Variants in ZDHHC15 observed in about 807,000 individuals in gnomAD.
The protein encoded by ZDHHC15 is zDHHC palmitoyltransferase 15.
ZDHHC15 carries 19 observed loss-of-function variants against 31.7 expected under a neutral mutation model. The observed-to-expected ratio is 0.60, with a 90% CI of 0.42 to 0.88. The LOEUF (loss-of-function observed/expected upper bound fraction) is 0.88. Ranked by LOEUF, ZDHHC15 falls within the 40% of genes least tolerant of loss-of-function variation. ZDHHC15 has a pLI of 0.00. For missense variants in ZDHHC15, 209 were observed against 251.2 expected, an observed-to-expected ratio of 0.83 and a Z score of 1.14; for synonymous variants, 103 against 90.0, an observed-to-expected ratio of 1.14 and a Z score of -0.82.
At chrX:75,383,108 T>C (rs2083134541) in intron 10 of ZDHHC15, among the ~76,000 whole-genome samples, 1 of 111,964 alleles carries the variant, frequency 8.9e-6, no homozygotes, top group African/African-American at 3.2e-5. Context: ...GGTATAGTTG[T>C]TAAAAGAGTT....
chrX:75,501,603 A>G (rs1339707528), intron 2 of ZDHHC15: 1 of 110,989 alleles, frequency 9.0e-6, no homozygotes, highest in Non-Finnish European at 1.9e-5. Flanking sequence ...TTTCTCCACA[A>G]TCTCACCAGC....
In ZDHHC15 at chrX:75,405,773, C is replaced by A. The variant is rs377265491; in HGVS notation, c.967+11314G>T. On this transcript the variant is annotated intron_variant, in intron 10 of 11. Transcript: ENST00000373367. ...AGGGAGTATCCTCCAGACAGAAAAT[C>A]AACAAAGATATCAGAATTAAACTAC... 5.6e-4 allele frequency among the ~76,000 whole-genome samples: 63 copies of A among 111,722 alleles called. 1 individual carries two copies. The highest frequency in any genetic ancestry group is 1.9e-3 in the African/African-American group (60 of 30,792).
intron 3 of ZDHHC15, among the ~76,000 whole-genome samples, chrX:75,461,328 T>C (rs908603955): frequency 6.3e-5 from 7 of 111,575 alleles, no homozygotes; most frequent in African/African-American, 9.8e-5. Flanking sequence ...CTGAAAGAGA[T>C]GGCGTGAATT....
chrX:75,421,869 A>G lies in ZDHHC15; in HGVS notation c.858T>C (p.Gly286=). The G allele has an allele frequency of 2.5e-6, 3 of 1,209,030 alleles. No homozygotes were observed. Among genetic ancestry groups the G allele is most frequent in the African/African-American group, 3.5e-5 (2 of 57,445 alleles). Residue 286 remains glycine (G), a synonymous_variant, in exon 9 of 12, where the codon GGT becomes GGC. Transcript: ENST00000373367. The part of the protein sequence containing the change: ...DKKKFWLIPI[G]SSPGDGHSFP... The stretch of plus-strand genomic sequence containing the variant: ...CAGTGGTAATATTTACTCACCTGGA[A>G]CCAATAGGTATTAACCAGAACTTCT...
chrX:75,463,722 C>A (rs1250400006), intron 3 of ZDHHC15, among the ~76,000 whole-genome samples: 1 of 111,583 alleles, frequency 9.0e-6, no homozygotes, highest in Non-Finnish European at 1.9e-5. Context: ...CAGAGAAATG[C>A]AAATCAAAAC....
At chrX:75,488,878 G>T (rs1350461374) in intron 2 of ZDHHC15, among the ~76,000 whole-genome samples, 1 of 112,064 alleles carries the variant, frequency 8.9e-6, no homozygotes, top group Non-Finnish European at 1.9e-5. Context: ...ACGGCACCTG[G>T]AAAATCGGGT....
intron 11 of ZDHHC15, among the ~76,000 whole-genome samples, chrX:75,378,889 C>A (rs1229093208): frequency 1.8e-5 from 2 of 111,180 alleles, no homozygotes; most frequent in African/African-American, 6.6e-5. Flanking sequence ...GAGTTTTTTT[C>A]AGCACAAGTG....
At chrX:75,421,402 T>TATATATA (rs2083628896) in intron 9 of ZDHHC15, among the ~76,000 whole-genome samples, 3 of 8,065 alleles carry the variant, frequency 3.7e-4, no homozygotes, top group Admixed American at 1.9e-3. Context: ...ATATATATTA[T>TATATATA]ATATATATAA....
chrX:75,443,028 G>A (rs1321317808), intron 4 of ZDHHC15, among the ~76,000 whole-genome samples: 1 of 109,075 alleles, frequency 9.2e-6, no homozygotes, highest in African/African-American at 3.3e-5. Flanking sequence ...TGAGAAAATG[G>A]CCATACTGCC....
At chrX:75,502,346 T>C (rs1476472614) in intron 2 of ZDHHC15, 2 of 111,504 alleles carry the variant, frequency 1.8e-5, no homozygotes, top group Admixed American at 9.6e-5. Flanking sequence ...AAAGACCTTA[T>C]ACAAATAGTC....
intron 3 of ZDHHC15, among the ~76,000 whole-genome samples, chrX:75,478,358 T>C (rs1389581637): frequency 2.7e-5 from 3 of 111,320 alleles, no homozygotes; most frequent in Non-Finnish European, 5.6e-5. Flanking sequence ...TTTCTAATTA[T>C]ATCACCAATG....
intron 10 of ZDHHC15, among the ~76,000 whole-genome samples, chrX:75,394,651 G>T (rs1032056698): frequency 2.4e-4 from 27 of 111,361 alleles, no homozygotes; most frequent in African/African-American, 8.8e-4. Flanking sequence ...ATGATAAAGG[G>T]GTCTATTCAG....
chrX:75,437,751 G>A (rs2083882533), intron 4 of ZDHHC15, among the ~76,000 whole-genome samples: 1 of 109,353 alleles, frequency 9.1e-6, no homozygotes, highest in African/African-American at 3.3e-5. Context: ...AAACATACGT[G>A]TGCATGTGTC....
chrX:75,429,926 G>T (rs773749736), intron 6 of ZDHHC15, 22 bp downstream of exon 6: 1 of 1,206,176 alleles, frequency 8.3e-7, no homozygotes. Flanking sequence ...TTAGAGGAGA[G>T]AAATGAATCA....
intron 10 of ZDHHC15, chrX:75,384,832 G>T (rs2083162662): frequency 3.2e-6 from 2 of 629,242 alleles, no homozygotes. Flanking sequence ...GGCATAATAG[G>T]TGTTAAAAAA....
intron 4 of ZDHHC15, among the ~76,000 whole-genome samples, chrX:75,433,559 A>G (rs2083807770): frequency 9.1e-6 from 1 of 110,126 alleles, no homozygotes; most frequent in African/African-American, 3.3e-5. Flanking sequence ...GTTACTTTAC[A>G]TAGAATAATG....
At chrX:75,475,731 T>C (rs796955420) in intron 3 of ZDHHC15, among the ~76,000 whole-genome samples, 1 of 111,292 alleles carries the variant, frequency 9.0e-6, no homozygotes, top group South Asian at 3.7e-4. Context: ...TTTTAGAAAA[T>C]GACTTTTTAT....
At chrX:75,387,838 T>A (rs2083196314) in intron 10 of ZDHHC15, among the ~76,000 whole-genome samples, 2 of 112,178 alleles carry the variant, frequency 1.8e-5, no homozygotes, top group South Asian at 7.3e-4. Flanking sequence ...ACCAAAATCG[T>A]CTACCTCAAA....
At chrX:75,418,918 C>T (rs1286310452) in intron 9 of ZDHHC15, among the ~76,000 whole-genome samples, 1 of 112,264 alleles carries the variant, frequency 8.9e-6, no homozygotes, top group Non-Finnish European at 1.9e-5. Context: ...ATGAACAAAA[C>T]ATCAAAAGCA....
Sources: allele counts gnomAD v4.1 joint callset (sites outside exome capture counted in the v4.1 genomes callset), GRCh38; gene constraint gnomAD v4.1.1; transcripts MANE v1.5; gene names NCBI Gene and HGNC (gene_info 2026-07-23, HGNC 2026-07-21).